Variants in MAP4K4 observed in about 807,000 individuals in gnomAD.
MAP4K4 encodes mitogen-activated protein kinase kinase kinase kinase 4.
MAP4K4 carries 38 observed loss-of-function variants against 189.6 expected under a neutral mutation model. The observed-to-expected ratio is 0.20, with a 90% CI of 0.15 to 0.26. The LOEUF is 0.26. Ranked by LOEUF, MAP4K4 falls within the 10% of genes least tolerant of loss-of-function variation. The probability of loss-of-function intolerance (pLI) is 1.00; values close to 1 mark genes in which losing one functional copy is unlikely to be tolerated. For missense variants in MAP4K4, 1,054 were observed against 1,726.9 expected (o/e 0.61, Z 6.91); for synonymous variants, 610 against 624.3 (o/e 0.98, Z 0.34).
chr2:101,757,933 A>G (rs538277102), intron 2 of MAP4K4, among the ~76,000 whole-genome samples: 1 of 152,270 alleles, frequency 6.6e-6, no homozygotes, highest in South Asian at 2.1e-4. Context: ...GCTGAGGCAC[A>G]AGAATAGCTT....
At chr2:101,712,014 G>T (rs2045876613) in intron 2 of MAP4K4, among the ~76,000 whole-genome samples, 2 of 123,616 alleles carry the variant, frequency 1.6e-5, no homozygotes, top group Non-Finnish European at 3.3e-5. Context: ...TCCTTTTGCT[G>T]ACTTATTACC....
chr2:101,808,854 C>CT (rs1195676601), intron 3 of MAP4K4, among the ~76,000 whole-genome samples: 1 of 151,752 alleles, frequency 6.6e-6, no homozygotes, highest in Non-Finnish European at 1.5e-5. Flanking sequence ...GCTTTTTTCT[C>CT]TAACAGTAAA....
chr2:101,830,198 T>C (rs368461106), intron 6 of MAP4K4, among the ~76,000 whole-genome samples: 202 of 152,296 alleles, frequency 1.3e-3, no homozygotes, highest in African/African-American at 4.6e-3. Context: ...AGTTATGTGA[T>C]TGTTTTTTAC....
chr2:101,774,495 C>G (rs543264183), intron 2 of MAP4K4, among the ~76,000 whole-genome samples: 3 of 152,240 alleles, frequency 2.0e-5, no homozygotes, highest in African/African-American at 7.2e-5. Flanking sequence ...CAAATATTGT[C>G]TCTCATTCTG....
exon 22 of MAP4K4, chr2:101,869,629 C>T: frequency 6.2e-7 from 1 of 1,609,472 alleles, no homozygotes; most frequent in Non-Finnish European, 8.5e-7. Flanking sequence ...TAGGATCTGA[C>T]CGCACTGGCC....
chr2:101,882,402 TCTGTGGTACACATCTCCAA>T, intron 27 of MAP4K4, 130 bp from the exon 28 acceptor site: 1 of 480,808 alleles, frequency 2.1e-6, no homozygotes, highest in Admixed American at 3.9e-5. Flanking sequence ...GTCAGCTGTT[TCTGTGGTACACATCTCCAA>T]CTTGTGACTT....
intron 2 of MAP4K4, among the ~76,000 whole-genome samples, chr2:101,781,980 C>A (rs1333101831): frequency 6.6e-6 from 1 of 152,134 alleles, no homozygotes; most frequent in African/African-American, 2.4e-5. Context: ...TGGGCCCTTT[C>A]TTTGTTGGAG....
chr2:101,825,353 C>T, exon 5 of MAP4K4: 1 of 1,613,294 alleles, frequency 6.2e-7, no homozygotes, highest in Non-Finnish European at 8.5e-7. Context: ...GGGTCCATTA[C>T]AGACCTTGTG....
intron 27 of MAP4K4, among the ~76,000 whole-genome samples, chr2:101,880,604 G>A (rs984267138): frequency 3.3e-5 from 5 of 151,882 alleles, no homozygotes; most frequent in African/African-American, 4.8e-5. Context: ...TGCCTTCCGG[G>A]TTCAAGCAAT....
chr2:101,737,990 T>C (rs1051752155), intron 2 of MAP4K4, among the ~76,000 whole-genome samples: 2 of 152,180 alleles, frequency 1.3e-5, no homozygotes, highest in African/African-American at 4.8e-5. Flanking sequence ...AGAGGTTACC[T>C]AACATGCTAG....
At chr2:101,874,348 C>A in intron 26 of MAP4K4, 96 bp downstream of exon 26, 2 of 1,153,828 alleles carry the variant, frequency 1.7e-6, no homozygotes, top group Non-Finnish European at 2.5e-6. Context: ...TGTGGATAGA[C>A]AGGATGGAAG....
At chr2:101,718,921 G>T (rs1488634599) in intron 2 of MAP4K4, among the ~76,000 whole-genome samples, 1 of 152,186 alleles carries the variant, frequency 6.6e-6, no homozygotes, top group Non-Finnish European at 1.5e-5. Context: ...TAGTTCACTG[G>T]AACACAGCTG....
chr2:101,811,580 G>C (rs1420245752), intron 3 of MAP4K4, among the ~76,000 whole-genome samples: 1 of 151,922 alleles, frequency 6.6e-6, no homozygotes, highest in Non-Finnish European at 1.5e-5. Flanking sequence ...TTGTCCCTGT[G>C]CTCTGCCTGC....
chr2:101,838,154 G>A (rs557455341), intron 9 of MAP4K4, among the ~76,000 whole-genome samples: 22 of 152,274 alleles, frequency 1.4e-4, no homozygotes, highest in Admixed American at 5.2e-4. Context: ...CATTGATTCC[G>A]AGATGTTAGT....
chr2:101,698,358 C>T, intron 1 of MAP4K4, 115 bp from the exon 2 acceptor site: 2 of 1,051,958 alleles, frequency 1.9e-6, no homozygotes, highest in Non-Finnish European at 2.9e-6. Flanking sequence ...TGGGGGACCG[C>T]GCGGGGCGAA....
chr2:101,804,790 T>G (rs2094748151), intron 3 of MAP4K4, among the ~76,000 whole-genome samples: 1 of 152,066 alleles, frequency 6.6e-6, no homozygotes, highest in Non-Finnish European at 1.5e-5. Context: ...TCTTATATTT[T>G]TATATTTTGG....
chr2:101,711,601 C>T (rs1285154260), intron 2 of MAP4K4, among the ~76,000 whole-genome samples: 3 of 151,992 alleles, frequency 2.0e-5, no homozygotes, highest in African/African-American at 7.3e-5. Flanking sequence ...TTTTCTAATC[C>T]GATTAGGTAA....
intron 3 of MAP4K4, among the ~76,000 whole-genome samples, chr2:101,809,143 T>G (rs2095247451): frequency 6.6e-6 from 1 of 152,208 alleles, no homozygotes. Context: ...ATACTTCATG[T>G]AACTTTTTTC....
intron 2 of MAP4K4, among the ~76,000 whole-genome samples, chr2:101,704,535 GTGTGTGTATATATATA>G (rs1168310319): frequency 7.9e-5 from 6 of 75,556 alleles, no homozygotes; most frequent in Non-Finnish European, 4.6e-5. Flanking sequence ...GTGTGTGTGT[GTGTGTGTATATATATA>G]TATATATATA....
Sources: gnomAD v4.1 joint callset for allele counts (sites outside exome capture counted in the v4.1 genomes callset) on GRCh38, gnomAD v4.1.1 for gene constraint, MANE v1.5 for transcripts, NCBI Gene and HGNC (gene_info 2026-07-23, HGNC 2026-07-21) for gene names.